Variants in GALNT16 observed in about 807,000 individuals in gnomAD.
GALNT16 encodes the protein UDP-GalNAc:polypeptide N-acetylgalactosaminyltransferase-like protein 1.
Under a neutral mutation model 76.1 loss-of-function variants are expected in GALNT16, and 40 were observed. The ratio of observed to expected loss-of-function variants is 0.53; its 90% CI spans 0.41 to 0.68. GALNT16 has a LOEUF of 0.68. Among genes scored for constraint, GALNT16 ranks in the 30% least tolerant of loss-of-function variants. The probability of loss-of-function intolerance (pLI) is 0.00; values close to 1 mark genes in which losing one functional copy is unlikely to be tolerated. For missense variants in GALNT16, 621 were observed against 731.9 expected (o/e 0.85, Z 1.75); for synonymous variants, 276 against 285.2 (o/e 0.97, Z 0.32).
intron 1 of GALNT16, among the ~76,000 whole-genome samples, chr14:69,279,614 A>C (rs1051826327): frequency 1.3e-5 from 2 of 152,232 alleles, no homozygotes; most frequent in African/African-American, 4.8e-5. Context: ...TAAGGGACTG[A>C]GTGGGTGTGG....
the GALNT16 span, among the ~76,000 whole-genome samples, chr14:69,367,177 G>C: frequency 2.6e-5 from 4 of 152,124 alleles, no homozygotes; most frequent in African/African-American, 9.7e-5. Flanking sequence ...AGGTAGGCAG[G>C]TGCTGATCAT....
chr14:69,264,819 C>CTTTTTTTTTGTTTTT (rs2044321539), intron 1 of GALNT16, among the ~76,000 whole-genome samples: 1 of 96,600 alleles, frequency 1.0e-5, no homozygotes, highest in Non-Finnish European at 1.8e-5. Flanking sequence ...CTTTTTCTTT[C>CTTTTTTTTTGTTTTT]TTTTTTTTTT....
chr14:69,324,372 C>T (rs892243702), intron 2 of GALNT16, among the ~76,000 whole-genome samples: 2 of 152,120 alleles, frequency 1.3e-5, no homozygotes, highest in African/African-American at 2.4e-5. Flanking sequence ...GGGCTGTATC[C>T]TGGGGCCTGG....
chr14:69,310,191 T>C (rs767274570), intron 1 of GALNT16, among the ~76,000 whole-genome samples: 3 of 152,122 alleles, frequency 2.0e-5, no homozygotes, highest in Non-Finnish European at 4.4e-5. Context: ...TACTATATAC[T>C]ACTATATAGG....
intron 12 of GALNT16, among the ~76,000 whole-genome samples, chr14:69,343,196 T>C (rs930452066): frequency 7.2e-5 from 11 of 152,242 alleles, no homozygotes; most frequent in African/African-American, 2.7e-4. Context: ...CGCTGCCAGC[T>C]TTCTCTCAAG....
chr14:69,348,704 G>A (rs557809127), intron 14 of GALNT16: 7 of 152,572 alleles, frequency 4.6e-5, no homozygotes, highest in African/African-American at 1.7e-4. Context: ...AGACAGGTCA[G>A]GGTCAAGGAA....
At chr14:69,339,649 C>G in intron 11 of GALNT16, 30 bp downstream of exon 11, 1 of 1,367,290 alleles carries the variant, frequency 7.3e-7, no homozygotes, top group Non-Finnish European at 1.0e-6. Context: ...CTGTCTGACT[C>G]CCTCTACCCA....
chr14:69,264,815 C>CTTTTTT (rs1436985515), intron 1 of GALNT16, among the ~76,000 whole-genome samples: 1 of 44,956 alleles, frequency 2.2e-5, no homozygotes, highest in Non-Finnish European at 3.5e-5. Context: ...TTTTCTTTTT[C>CTTTTTT]TTTCTTTTTT....
Position 69,328,433 on chromosome 14 carries a change from A to G in GALNT16, c.569-17A>G, listed in dbSNP as rs1476503255. The G allele has an allele frequency of 1.2e-6, 2 of 1,612,624 alleles. No homozygotes were observed. Among genetic ancestry groups the G allele is most frequent in the Non-Finnish European group, 8.5e-7 (1 of 1,179,186 alleles). On this transcript the variant is annotated splice_polypyrimidine_tract_variant and intron_variant, in intron 5 of 14. Coordinates refer to ENST00000448469, the MANE Select transcript of GALNT16 (RefSeq NM_001168368.2). ...TGGCCCAGTCCCAGCGCCAAGCCCT[A>G]TCTACTCCTCTTGTAGGGCTGATCC...
rs116836210 is a variant in GALNT16 at position 69,292,059 on chromosome 14, T to C, written c.178-28652T>C. Among the ~76,000 whole-genome samples the C allele has an allele frequency of 6.1e-3, 931 of 152,304 alleles. 9 individuals are homozygous for C. Among genetic ancestry groups the C allele is most frequent in the African/African-American group, 0.021 (859 of 41,552 alleles). ...AATCTCTGGCAGGAAAGGGGACCTG[T>C]GGATGGCTCTGTCTTAACCTCAACA... On this transcript the variant is annotated intron_variant, in intron 1 of 14. Coordinates refer to ENST00000448469, the MANE Select transcript of GALNT16 (RefSeq NM_001168368.2).
At chr14:69,325,602 G>T (rs555106263) in intron 4 of GALNT16, among the ~76,000 whole-genome samples, 198 bp downstream of exon 4, 8 of 152,302 alleles carry the variant, frequency 5.3e-5, no homozygotes, top group African/African-American at 1.7e-4. Flanking sequence ...GGTGGGTGTT[G>T]CTTTGGATGG....
At chr14:69,328,984 C>T (rs985932808) in intron 6 of GALNT16, among the ~76,000 whole-genome samples, 4 of 152,148 alleles carry the variant, frequency 2.6e-5, no homozygotes, top group Admixed American at 2.6e-4. Flanking sequence ...TTCTCCAGAA[C>T]AGGGAGGATT....
chr14:69,306,842 A>C (rs2044942416), intron 1 of GALNT16, among the ~76,000 whole-genome samples: 1 of 152,230 alleles, frequency 6.6e-6, no homozygotes, highest in African/African-American at 2.4e-5. Flanking sequence ...GTACTGCCAG[A>C]CTGTTTTCCA....
intron 1 of GALNT16, among the ~76,000 whole-genome samples, chr14:69,308,212 A>G (rs2140147585): frequency 6.6e-6 from 1 of 152,318 alleles, no homozygotes; most frequent in East Asian, 1.9e-4. Flanking sequence ...GACAGTAATG[A>G]GCTCAATCCT....
chr14:69,259,948 G>A, upstream of GALNT16: 1 of 194,548 alleles, frequency 5.1e-6, no homozygotes, highest in Non-Finnish European at 1.0e-5. Flanking sequence ...CGGGAGGAAG[G>A]CCCGCGCCGC....
intron 1 of GALNT16, among the ~76,000 whole-genome samples, chr14:69,283,081 C>G (rs1347489600): frequency 6.6e-6 from 1 of 152,234 alleles, no homozygotes; most frequent in African/African-American, 2.4e-5. Flanking sequence ...CATATCAGCA[C>G]CTGCCATGCA....
At chr14:69,386,206 G>GCAGC in the GALNT16 span, among the ~76,000 whole-genome samples, 1 of 152,216 alleles carries the variant, frequency 6.6e-6, no homozygotes, top group Non-Finnish European at 1.5e-5. Flanking sequence ...ACAGCATGGT[G>GCAGC]CAGCCACATT....
chr14:69,373,712 TTTTC>T, the GALNT16 span, among the ~76,000 whole-genome samples: 4 of 152,078 alleles, frequency 2.6e-5, no homozygotes, highest in Non-Finnish European at 5.9e-5. Flanking sequence ...TCTCTTTTTC[TTTTC>T]TTTTTTCTTT....
chr14:69,336,402 G>A (rs1260021221), intron 9 of GALNT16, among the ~76,000 whole-genome samples: 1 of 152,120 alleles, frequency 6.6e-6, no homozygotes, highest in East Asian at 1.9e-4. Context: ...GTGAGCCACC[G>A]CCCCCAGCCA....
Sources: allele counts gnomAD v4.1 joint callset (sites outside exome capture counted in the v4.1 genomes callset), GRCh38; gene constraint gnomAD v4.1.1; transcripts MANE v1.5; gene names NCBI Gene and HGNC (gene_info 2026-07-23, HGNC 2026-07-21).